The following CDH8 variants were observed in gnomAD, a reference collection of about 807,000 sequenced individuals.
CDH8 encodes the protein cadherin 8, also known as cadherin-8.
Under a neutral mutation model 68.1 loss-of-function variants are expected in CDH8, and 17 were observed. The ratio of observed to expected loss-of-function variants is 0.25; its 90% confidence interval spans 0.17 to 0.37. CDH8 has a LOEUF of 0.37. Ranked by LOEUF, CDH8 falls within the 10% of genes least tolerant of loss-of-function variation. The probability of loss-of-function intolerance (pLI) is 1.00; values close to 1 mark genes in which losing one functional copy is unlikely to be tolerated. For missense variants in CDH8, 763 were observed against 999.3 expected, an observed-to-expected ratio of 0.76 and a Z score of 3.19; for synonymous variants, 372 against 365.1, an observed-to-expected ratio of 1.02 and a Z score of -0.21.
intron 4 of CDH8, among the ~76,000 whole-genome samples, chr16:61,850,844 T>C (rs1962924039): frequency 6.6e-6 from 1 of 152,046 alleles, no homozygotes. Flanking sequence ...TTAGCAAACA[T>C]CCCTATGTCA....
At chr16:61,976,677 G>T (rs1286886551) in intron 2 of CDH8, among the ~76,000 whole-genome samples, 1 of 152,136 alleles carries the variant, frequency 6.6e-6, no homozygotes, top group East Asian at 1.9e-4. Flanking sequence ...ATTCCAGAAA[G>T]AAACAGTATT....
chr16:61,877,559 GTA>G (rs1009381479), intron 3 of CDH8, among the ~76,000 whole-genome samples: 10 of 152,150 alleles, frequency 6.6e-5, no homozygotes, highest in African/African-American at 2.4e-4. Context: ...ATATTTCAGA[GTA>G]GAGACATTGT....
intron 10 of CDH8, chr16:61,667,641 T>C (rs1030941522): frequency 3.9e-5 from 6 of 151,992 alleles, no homozygotes; most frequent in African/African-American, 1.4e-4. Flanking sequence ...GCCCACACCT[T>C]GATTTCAGAT....
chr16:61,715,903 T>A (rs1479103573), intron 9 of CDH8, among the ~76,000 whole-genome samples: 1 of 151,652 alleles, frequency 6.6e-6, no homozygotes, highest in Non-Finnish European at 1.5e-5. Context: ...GATTTTCATG[T>A]TAAAAAGTCA....
rs575099112 is a variant in CDH8, at chr16:61,792,508, T to C, written c.1278-3026A>G. Among the ~76,000 whole-genome samples, 6 of 152,136 alleles carry C rather than the reference T, an allele frequency of 3.9e-5. No homozygotes were observed. In the South Asian group the frequency reaches 8.3e-4, roughly 21 times the overall value. ...CAACGTTTTGGTCAACAAGCATGCATGAAACACCAAATTTGTACCAAGCAC... is the reference window on the plus strand; with the variant it reads ...CAACGTTTTGGTCAACAAGCATGCACGAAACACCAAATTTGTACCAAGCAC... On this transcript the variant is annotated intron_variant, in intron 7 of 11. Coordinates refer to ENST00000577390, the MANE Select transcript of CDH8 (RefSeq NM_001796.5).
intron 2 of CDH8, among the ~76,000 whole-genome samples, chr16:61,911,766 T>C (rs1328864728): frequency 1.3e-5 from 2 of 151,908 alleles, no homozygotes; most frequent in Admixed American, 1.3e-4. Context: ...CCCAGTGAAG[T>C]AATAAATGAT....
At chr16:61,833,628 C>T (rs2143005273) in intron 4 of CDH8, among the ~76,000 whole-genome samples, 1 of 151,966 alleles carries the variant, frequency 6.6e-6, no homozygotes. Flanking sequence ...GACTTGTCTC[C>T]AAACATTTTT....
At chr16:61,703,996 C>G (rs1964484528) in intron 10 of CDH8, among the ~76,000 whole-genome samples, 2 of 151,994 alleles carry the variant, frequency 1.3e-5, no homozygotes, top group African/African-American at 4.8e-5. Flanking sequence ...TACCAAAAAC[C>G]ATCTCATTAA....
At chr16:61,798,954 G>A (rs1175634732) in intron 7 of CDH8, among the ~76,000 whole-genome samples, 1 of 152,148 alleles carries the variant, frequency 6.6e-6, no homozygotes, top group Admixed American at 6.5e-5. Context: ...GAAATGCATG[G>A]AATCCGGAAG....
chr16:61,982,244 G>C (rs1177718980), intron 2 of CDH8, among the ~76,000 whole-genome samples: 1 of 151,770 alleles, frequency 6.6e-6, no homozygotes, highest in Non-Finnish European at 1.5e-5. Context: ...TTTTAAGACA[G>C]AGTCTCGCTC....
chr16:61,864,777 C>G (rs1304298916), intron 3 of CDH8, among the ~76,000 whole-genome samples: 1 of 152,140 alleles, frequency 6.6e-6, no homozygotes, highest in Non-Finnish European at 1.5e-5. Flanking sequence ...CAACTACAAG[C>G]AAGAAGACAG....
chr16:61,879,530 A>C (rs1208062157), intron 3 of CDH8, among the ~76,000 whole-genome samples: 1 of 152,202 alleles, frequency 6.6e-6, no homozygotes, highest in Non-Finnish European at 1.5e-5. Context: ...ACTGGGTTCC[A>C]TGAATGCTAT....
In CDH8 at chr16:61,647,973, TG is replaced by T. The variant is rs761898891; in HGVS notation, c.*5634del. On this transcript the variant is annotated 3_prime_UTR_variant, in exon 12 of 12. Transcript: ENST00000577390. ...ACTTGCATTCAAGATGTGAATTAGA[TG>T]GTGGCAGGTAACTCAAGTTGGGGAA... is the stretch of plus-strand genomic sequence containing the variant. 57 of 636,078 alleles carry T rather than the reference TG, an allele frequency of 9.0e-5. No homozygotes were observed. The highest frequency in any genetic ancestry group is 1.4e-4 in the Non-Finnish European group (51 of 352,714). The allele number at this position is 636,078 out of a possible 1,614,324, so 39.4% of individuals were successfully genotyped here. A position where few individuals can be genotyped will look rare whatever the true frequency, so the allele number is the denominator to read the frequency against.
intron 2 of CDH8, among the ~76,000 whole-genome samples, chr16:61,930,920 A>G (rs1964530923): frequency 6.6e-6 from 1 of 152,238 alleles, no homozygotes; most frequent in Non-Finnish European, 1.5e-5. Flanking sequence ...GAATAGCCCA[A>G]GAGATAAAAT....
chr16:61,771,601 A>G (rs1250941678), intron 8 of CDH8, among the ~76,000 whole-genome samples: 1 of 151,850 alleles, frequency 6.6e-6, no homozygotes, highest in Non-Finnish European at 1.5e-5. Context: ...GAGTCCTTTA[A>G]ACATCAAACT....
chr16:61,955,097 C>T (rs543059920), intron 2 of CDH8, among the ~76,000 whole-genome samples: 19 of 152,310 alleles, frequency 1.2e-4, no homozygotes, highest in African/African-American at 3.6e-4. Context: ...ACCTAATAAA[C>T]GACATGCTAT....
intron 8 of CDH8, among the ~76,000 whole-genome samples, chr16:61,754,733 A>G (rs1463658998): frequency 6.6e-6 from 1 of 152,068 alleles, no homozygotes; most frequent in Non-Finnish European, 1.5e-5. Flanking sequence ...GAATACTAAA[A>G]CCTATTTCTA....
chr16:61,901,522 AT>A (rs749394061), intron 2 of CDH8, 49 bp from the exon 3 acceptor site: 2 of 1,391,624 alleles, frequency 1.4e-6, no homozygotes, highest in Admixed American at 2.1e-5. Context: ...CTGAAAAGTT[AT>A]TTTTTTAACT....
In CDH8 at chr16:61,706,620, CAAAAAA is replaced by C. The variant is rs781148249; in HGVS notation, c.1654+7215_1654+7220del. 8.3e-5 allele frequency among the ~76,000 whole-genome samples: 5 copies of C among 60,400 alleles called. No individual in the cohort carries two copies. In the South Asian group the frequency reaches 1.8e-3, roughly 22 times the overall value. The allele number at this position is 60,400 out of a possible 152,430, so 39.6% of individuals were successfully genotyped here. ...TGGGCACCAGAGCAAGACTCTGTCTCAAAAAAAAAAAAAAAAAAAAAAAAGTGTAAC... is the reference window on the plus strand; with the variant it reads ...TGGGCACCAGAGCAAGACTCTGTCTCAAAAAAAAAAAAAAAAAAGTGTAAC... On this transcript the variant is annotated intron_variant, in intron 10 of 11. Transcript: ENST00000577390.
Sources: gnomAD v4.1 joint callset for allele counts (sites outside exome capture counted in the v4.1 genomes callset) on GRCh38, gnomAD v4.1.1 for gene constraint, MANE v1.5 for transcripts, NCBI Gene and HGNC (gene_info 2026-07-23, HGNC 2026-07-21) for gene names.